Variants in PCDHA12 observed in about 807,000 individuals in gnomAD.
PCDHA12 encodes the protein protocadherin alpha-12.
Under a neutral mutation model 60.0 loss-of-function variants are expected in PCDHA12, and 44 were observed. That is an observed-to-expected ratio of 0.73 (90% CI 0.58 to 0.94). The LOEUF is 0.94. Among genes scored for constraint, PCDHA12 ranks in the 40% least tolerant of loss-of-function variants. PCDHA12 has a pLI of 0.00. For missense variants in PCDHA12, 1,276 were observed against 1,239.7 expected, an observed-to-expected ratio of 1.03 and a Z score of -0.44; for synonymous variants, 569 against 553.0, an observed-to-expected ratio of 1.03 and a Z score of -0.40.
chr5:140,877,458 G>T lies in PCDHA12; in HGVS notation c.1986G>T (p.Thr662=), dbSNP rs200155876. 8.2e-5 allele frequency: 133 copies of T among 1,613,696 alleles called. 1 individual carries two copies. The highest frequency in any genetic ancestry group is 2.5e-5 in the Non-Finnish European group (30 of 1,179,864). ...ACGGTGAGCCCGCGCTGACGTCCAC[G>T]GCCACGGTGCTGGTGTCGCTGGTGG... The part of the protein sequence containing the change: ...KDHGEPALTS[T]ATVLVSLVEN... Residue 662 remains threonine, a synonymous_variant, in exon 1 of 4, where the codon ACG becomes ACT. Transcript: ENST00000398631.
At chr5:140,952,513 A>T (rs533436826) in intron 1 of PCDHA12, among the ~76,000 whole-genome samples, 7 of 152,028 alleles carry the variant, frequency 4.6e-5, no homozygotes, top group Non-Finnish European at 8.8e-5. Context: ...CCTCATCTCC[A>T]TCTGAGACCT....
intron 1 of PCDHA12, among the ~76,000 whole-genome samples, chr5:140,952,031 A>G (rs782611414): frequency 1.6e-4 from 24 of 152,232 alleles, no homozygotes; most frequent in Admixed American, 4.6e-4. Context: ...TCCGAAATCC[A>G]GTAGGGCAGT....
Position 140,877,276 on chromosome 5 carries a change from G to T in PCDHA12, c.1804G>T (p.Gly602Cys), listed in dbSNP as rs1038142877. Residue 602 changes from glycine (G) to cysteine (C), a missense_variant, in exon 1 of 4, where the codon GGC becomes TGC. Physicochemically the swap from Gly to Cys is radical, Grantham distance 159. Coordinates refer to ENST00000398631, the MANE Select transcript of PCDHA12 (RefSeq NM_018903.4). ...AKVRAVDADSGYNAWLSYELQ... is the reference protein window; with the variant it reads ...AKVRAVDADSCYNAWLSYELQ... ...AGTGCGCGCGGTGGACGCTGACTCCGGCTATAACGCTTGGCTGTCCTACGA... is the reference window on the plus strand; with the variant it reads ...AGTGCGCGCGGTGGACGCTGACTCCTGCTATAACGCTTGGCTGTCCTACGA... 4 of 1,613,744 alleles carry T rather than the reference G, an allele frequency of 2.5e-6. No homozygotes were observed. The highest frequency in any genetic ancestry group is 1.7e-5 in the Admixed American group (1 of 59,994).
intron 1 of PCDHA12, among the ~76,000 whole-genome samples, chr5:140,941,198 T>TCTTCCTTTCTTC (rs1563184149): frequency 4.2e-5 from 5 of 119,808 alleles, no homozygotes; most frequent in African/African-American, 1.0e-4. Context: ...TTTTTTTCTT[T>TCTTCCTTTCTTC]CTTCCTTTCT....
intron 1 of PCDHA12, chr5:140,927,477 G>A: frequency 6.2e-7 from 1 of 1,614,118 alleles, no homozygotes; most frequent in Non-Finnish European, 8.5e-7. Flanking sequence ...ATCGCGAACA[G>A]CGCGCCACCC....
chr5:140,930,377 T>C (rs1480359985), intron 1 of PCDHA12: 1 of 152,198 alleles, frequency 6.6e-6, no homozygotes, highest in Non-Finnish European at 1.5e-5. Flanking sequence ...TAGTGGCCCT[T>C]GGCATTTCAA....
chr5:141,001,594 A>AT (rs1216872407), intron 3 of PCDHA12, among the ~76,000 whole-genome samples: 1 of 152,040 alleles, frequency 6.6e-6, no homozygotes, highest in Non-Finnish European at 1.5e-5. Flanking sequence ...GATTACTCAG[A>AT]TTAGGTTTGC....
intron 1 of PCDHA12, chr5:140,882,748 A>C: frequency 1.2e-6 from 2 of 1,614,258 alleles, no homozygotes; most frequent in Non-Finnish European, 1.7e-6. Flanking sequence ...CATCCGATGC[A>C]GATATTGGAG....
chr5:140,941,202 C>CTTT (rs1554213921), intron 1 of PCDHA12, among the ~76,000 whole-genome samples: 9,869 of 122,696 alleles, frequency 0.08, 560 homozygotes, highest in East Asian at 0.13. Flanking sequence ...TTTCTTTCTT[C>CTTT]CTTTCTTTCT....
At chr5:140,883,208 A>C in intron 1 of PCDHA12, 3 of 1,614,034 alleles carry the variant, frequency 1.9e-6, no homozygotes, top group Non-Finnish European at 1.7e-6. Context: ...CGAAGAAAAG[A>C]AATTATATGA....
At chr5:140,966,756 G>A (rs1476318654) in intron 1 of PCDHA12, 9 of 1,437,232 alleles carry the variant, frequency 6.3e-6, no homozygotes, top group Non-Finnish European at 8.2e-6. Flanking sequence ...CCTCCGCCGC[G>A]GCCAGTGGCT....
At chr5:140,998,977 ATAG>A (rs2097842205) in intron 3 of PCDHA12, among the ~76,000 whole-genome samples, 1 of 152,242 alleles carries the variant, frequency 6.6e-6, no homozygotes, top group African/African-American at 2.4e-5. Flanking sequence ...ATCCTAGAAA[ATAG>A]TAGAAAGCAG....
chr5:140,901,196 C>T (rs1294830498), intron 1 of PCDHA12, among the ~76,000 whole-genome samples: 7 of 152,222 alleles, frequency 4.6e-5, no homozygotes, highest in African/African-American at 1.7e-4. Flanking sequence ...CTTTTCTGTG[C>T]AGAAGGTTTT....
At chr5:140,966,865 G>T (rs1554228807) in intron 1 of PCDHA12, 4 of 1,565,172 alleles carry the variant, frequency 2.6e-6, no homozygotes, top group Non-Finnish European at 1.7e-6. Context: ...TGCTGTTGCT[G>T]CTGCTGCTAC....
chr5:140,967,887 T>G, intron 1 of PCDHA12: 1 of 1,614,078 alleles, frequency 6.2e-7, no homozygotes, highest in Non-Finnish European at 8.5e-7. Flanking sequence ...TATAGCCCAG[T>G]GCCTGAGAAT....
At chr5:140,935,673 A>T (rs1462991962) in intron 1 of PCDHA12, among the ~76,000 whole-genome samples, 1 of 152,180 alleles carries the variant, frequency 6.6e-6, no homozygotes, top group Non-Finnish European at 1.5e-5. Flanking sequence ...AATTATGTGA[A>T]ATATTTACAT....
At chr5:140,957,289 C>T (rs1235564629) in intron 1 of PCDHA12, among the ~76,000 whole-genome samples, 1 of 152,162 alleles carries the variant, frequency 6.6e-6, no homozygotes, top group Non-Finnish European at 1.5e-5. Context: ...CCTGCAGTTT[C>T]ACTCTGAGCA....
chr5:140,882,577 C>G, intron 1 of PCDHA12: 3 of 1,614,238 alleles, frequency 1.9e-6, no homozygotes, highest in Non-Finnish European at 2.5e-6. Flanking sequence ...CGGAGTGCAG[C>G]ATCCACCTGG....
At chr5:140,908,726 G>A (rs1304356386) in intron 1 of PCDHA12, among the ~76,000 whole-genome samples, 3 of 152,188 alleles carry the variant, frequency 2.0e-5, no homozygotes, top group African/African-American at 4.8e-5. Flanking sequence ...TGGGTCATAT[G>A]GCTCGAGAAA....
Sources: gnomAD v4.1 joint callset for allele counts (sites outside exome capture counted in the v4.1 genomes callset) on GRCh38, gnomAD v4.1.1 for gene constraint, MANE v1.5 for transcripts, NCBI Gene and HGNC (gene_info 2026-07-23, HGNC 2026-07-21) for gene names.